The following PFKFB2 variants were observed in gnomAD, a reference collection of about 807,000 sequenced individuals.
PFKFB2 encodes 6-phosphofructo-2-kinase/fructose-2,6-bisphosphatase 2.
PFKFB2 carries 53 observed loss-of-function variants against 68.0 expected under a neutral mutation model. The ratio of observed to expected loss-of-function variants is 0.78; its 90% CI spans 0.63 to 0.98. The LOEUF (loss-of-function observed/expected upper bound fraction) is 0.98, where lower values mean the gene tolerates loss of function less well. Among genes scored for constraint, PFKFB2 ranks in the 50% least tolerant of loss-of-function variants. The pLI, the probability that PFKFB2 is intolerant of heterozygous loss-of-function variation, is 0.00. For missense variants in PFKFB2, 451 were observed against 642.0 expected, an observed-to-expected ratio of 0.70 and a Z score of 3.22; for synonymous variants, 222 against 227.6, an observed-to-expected ratio of 0.98 and a Z score of 0.22.
intron 2 of PFKFB2, 75 bp from the exon 3 acceptor site, chr1:207,061,878 C>A: frequency 7.5e-7 from 1 of 1,333,784 alleles, no homozygotes; most frequent in Non-Finnish European, 1.1e-6. Flanking sequence ...GAGACTCCGT[C>A]TCAAAAAAAC....
At chr1:207,078,978 C>T (rs536211542), downstream of PFKFB2, 147 of 1,612,204 alleles carry the variant, frequency 9.1e-5, 2 homozygotes, top group South Asian at 9.0e-4. Flanking sequence ...ACTGGCTGTG[C>T]GCAGACGCCC....
rs1024174849 is a variant in PFKFB2 at position 207,061,813 on chromosome 1, C to T, written c.86-140C>T. The stretch of plus-strand genomic sequence containing the variant: ...GGGAGAATCACTTGAACCTGGGAGG[C>T]GGAGGTTGCAATGAGCTGAGATCAC... On this transcript the variant is annotated intron_variant, in intron 2 of 14. Transcript: ENST00000367080. The T allele has an allele frequency of 1.1e-4, 75 of 683,044 alleles. No homozygotes were observed. The Admixed American group carries it at 1.7e-3, about 15-fold the overall frequency. 42.3% of individuals were successfully genotyped at this position (683,044 alleles called of 1,614,324 possible).
At chr1:207,051,182 A>G, upstream of PFKFB2, 1 of 1,391,286 alleles carries the variant, frequency 7.2e-7, no homozygotes, top group Non-Finnish European at 9.3e-7. Context: ...CTAAAGGACA[A>G]CGGGTCTTGC....
At chr1:207,068,388 T>C in intron 10 of PFKFB2, 79 bp downstream of exon 10, 3 of 1,258,788 alleles carry the variant, frequency 2.4e-6, no homozygotes, top group Non-Finnish European at 3.2e-6. Context: ...ATTTAGACAG[T>C]TTTATCTAGG....
At position 207,070,547 on chromosome 1, in the gene PFKFB2, C is replaced by A; in HGVS notation, c.1222+138C>A. 1.1e-6 allele frequency: 1 copy of A among 878,152 alleles called. No individual in the cohort carries two copies. Among genetic ancestry groups the A allele is most frequent in the South Asian group, 1.7e-5 (1 of 58,050 alleles). The allele number at this position is 878,152 out of a possible 1,614,324, so 54.4% of individuals were successfully genotyped here. On this transcript the variant is annotated intron_variant, in intron 12 of 14. Transcript: ENST00000367080. The surrounding 1 kb of genome is among the most constrained non-coding windows in gnomAD (Gnocchi z 4.2). Reference sequence around the variant, plus strand: ...TTTCTCCAGACAGCAGTGTGGGGCTCCCAGCAGCCACTGAGTCAATGACTT... The same window carrying A: ...TTTCTCCAGACAGCAGTGTGGGGCTACCAGCAGCCACTGAGTCAATGACTT...
downstream of PFKFB2, chr1:207,079,060 A>T (rs367987133): frequency 3.9e-6 from 6 of 1,531,848 alleles, no homozygotes; most frequent in African/African-American, 8.2e-5. Context: ...AACGACTGGG[A>T]TCTACTGAAA....
At chr1:207,052,623 G>A (rs1682784492), upstream of PFKFB2, among the ~76,000 whole-genome samples, 1 of 152,156 alleles carries the variant, frequency 6.6e-6, no homozygotes, top group South Asian at 2.1e-4. Context: ...TTGCACTCCA[G>A]CCTGGGCAAC....
chr1:207,035,424 C>A (rs1682356608), intron 1 of PFKFB2, among the ~76,000 whole-genome samples: 1 of 152,142 alleles, frequency 6.6e-6, no homozygotes, highest in South Asian at 2.1e-4. Context: ...ATGGCCAAGG[C>A]AGGGGGATTG....
At chr1:207,042,549 CAAAAAA>C (rs57077682) in intron 2 of PFKFB2, among the ~76,000 whole-genome samples, 26 of 44,710 alleles carry the variant, frequency 5.8e-4, no homozygotes, top group South Asian at 3.6e-3. Flanking sequence ...CTCTGTCTCA[CAAAAAA>C]AAAAAAAAAA....
chr1:207,069,343 C>T, intron 10 of PFKFB2, 81 bp from the exon 11 acceptor site: 2 of 940,644 alleles, frequency 2.1e-6, no homozygotes, highest in Non-Finnish European at 3.4e-6. Context: ...TAGCATTCTT[C>T]AATGTCATCT....
At chr1:207,069,367 TG>T in intron 10 of PFKFB2, 56 bp from the exon 11 acceptor site, 1 of 1,122,094 alleles carries the variant, frequency 8.9e-7, no homozygotes. Context: ...TTATTTGGGA[TG>T]GGGCTGGTGT....
In PFKFB2 at chr1:207,075,982, G is replaced by C; in HGVS notation, c.*3611G>C. ...TGAGTTTTAAAGTAGAATAAGAAAA[G>C]CTTCTAAAAACTTGCATTGTGCTAG... is the stretch of plus-strand genomic sequence containing the variant. On this transcript the variant is annotated 3_prime_UTR_variant, in exon 15 of 15. Transcript: ENST00000367080. The C allele has an allele frequency of 5.1e-6, 5 of 985,374 alleles. No individual in the cohort carries two copies. Among genetic ancestry groups the C allele is most frequent in the Non-Finnish European group, 6.0e-6 (5 of 829,896 alleles). 61.0% of individuals were successfully genotyped at this position (985,374 alleles called of 1,614,324 possible).
intron 1 of PFKFB2, among the ~76,000 whole-genome samples, chr1:207,041,808 ACT>A (rs1225560839): frequency 6.6e-6 from 1 of 152,194 alleles, no homozygotes. Context: ...GAATCGCCAC[ACT>A]GTTTTCCACA....
At chr1:207,067,791 A>G (rs2102273010) in intron 9 of PFKFB2, 85 bp downstream of exon 9, 1 of 1,145,886 alleles carries the variant, frequency 8.7e-7, no homozygotes, top group East Asian at 2.3e-5. Context: ...CTCCTTACTT[A>G]AATCCCATTT....
intron 1 of PFKFB2, among the ~76,000 whole-genome samples, chr1:207,038,325 A>T (rs1341990494): frequency 6.6e-6 from 1 of 152,232 alleles, no homozygotes; most frequent in Admixed American, 6.5e-5. Context: ...AGTAATTATG[A>T]GCACAAACAT....
chr1:207,060,160 A>G (rs1023167859), intron 2 of PFKFB2, among the ~76,000 whole-genome samples: 5 of 152,204 alleles, frequency 3.3e-5, no homozygotes, highest in Non-Finnish European at 7.4e-5. Context: ...CCCTGTGAGC[A>G]AAGTGATGAG....
chr1:207,072,660 C>A lies in PFKFB2; in HGVS notation c.*289C>A. 8.5e-7 allele frequency: 1 copy of A among 1,172,726 alleles called. No homozygotes were observed. The highest frequency in any genetic ancestry group is 1.1e-6 in the Non-Finnish European group (1 of 946,476). The allele number at this position is 1,172,726 out of a possible 1,614,324, so 72.6% of individuals were successfully genotyped here. A position where few individuals can be genotyped will look rare whatever the true frequency, so the allele number is the denominator to read the frequency against. On this transcript the variant is annotated 3_prime_UTR_variant, in exon 15 of 15. Coordinates refer to ENST00000367080, the MANE Select transcript of PFKFB2 (RefSeq NM_006212.2). The stretch of plus-strand genomic sequence containing the variant: ...TCTGGAGGAGGAGGAAAAAGATACA[C>A]TCCCTTGGGGCTGAGCATGCCCCAC...
intron 2 of PFKFB2, among the ~76,000 whole-genome samples, chr1:207,061,087 T>C (rs11586959): frequency 0.31 from 34,710 of 113,414 alleles, 6,879 homozygotes; most frequent in Middle Eastern, 0.43. Flanking sequence ...TTATATATCT[T>C]TATATATATC....
In PFKFB2 at chr1:207,077,440, G is replaced by GT. The variant is rs937415532; in HGVS notation, c.*5075dup. 8.6e-5 allele frequency: 85 copies of GT among 985,156 alleles called. No individual in the cohort carries two copies. The highest frequency in any genetic ancestry group is 9.3e-5 in the Non-Finnish European group (77 of 829,836). 61.0% of individuals were successfully genotyped at this position (985,156 alleles called of 1,614,324 possible). ...TTTTGTATCTGAATTGCTTATGTAC[G>GT]TTTTTTATTATATTGACCTAACAAG... On this transcript the variant is annotated 3_prime_UTR_variant, in exon 15 of 15. Coordinates refer to ENST00000367080, the MANE Select transcript of PFKFB2 (RefSeq NM_006212.2).
Sources: gnomAD v4.1 joint callset for allele counts (sites outside exome capture counted in the v4.1 genomes callset) on GRCh38, gnomAD v4.1.1 for gene constraint, Gnocchi (gnomAD v3.1) non-coding constraint, MANE v1.5 for transcripts, NCBI Gene and HGNC (gene_info 2026-07-23, HGNC 2026-07-21) for gene names.